ASXL3: variants seen among roughly 807,000 people sequenced by gnomAD.
ASXL3 encodes the protein ASXL transcriptional regulator 3, also known as putative Polycomb group protein ASXL3.
Under a neutral mutation model 170.6 loss-of-function variants are expected in ASXL3, and 34 were observed. The observed-to-expected ratio is 0.20, with a 90% CI of 0.15 to 0.27. ASXL3 has a LOEUF of 0.27. ASXL3 is among the 10% of genes least tolerant of loss of function. The probability of loss-of-function intolerance (pLI) is 1.00; values close to 1 mark genes in which losing one functional copy is unlikely to be tolerated. For synonymous variants in ASXL3, 1,002 were observed against 989.1 expected, an observed-to-expected ratio of 1.01 and a Z score of -0.24; for missense variants, 2,592 against 2,695.3, an observed-to-expected ratio of 0.96 and a Z score of 0.85.
intron 8 of ASXL3, among the ~76,000 whole-genome samples, chr18:33,710,881 T>C (rs879887885): frequency 6.6e-6 from 1 of 152,132 alleles, no homozygotes; most frequent in East Asian, 1.9e-4. Context: ...TGGGTTTTTG[T>C]TTGGGGGGGA....
Position 33,745,902 on chromosome 18 carries a change from GCCGCCA to G in ASXL3, c.6060_6065del (p.Pro2027_Pro2028del), listed in dbSNP as rs759642304. ...CAAACAAAGCACTAGTACATCCGCC[GCCGCCA>G]CCGCCTCCCCCTCCCCCTCCACCCT... On this transcript the variant is annotated inframe_deletion, in exon 12 of 12. Transcript: ENST00000269197. 9.3e-6 allele frequency: 15 copies of G among 1,608,162 alleles called. No individual in the cohort carries two copies. Among genetic ancestry groups the G allele is most frequent in the South Asian group, 1.1e-5 (1 of 90,596 alleles).
At chr18:33,629,285 T>C (rs928284007) in intron 2 of ASXL3, among the ~76,000 whole-genome samples, 1 of 152,132 alleles carries the variant, frequency 6.6e-6, no homozygotes, top group Non-Finnish European at 1.5e-5. Context: ...CAGAAACTAT[T>C]TCCTGAAAGC....
chr18:33,694,294 G>A (rs547674172), intron 8 of ASXL3, among the ~76,000 whole-genome samples: 25 of 152,168 alleles, frequency 1.6e-4, no homozygotes, highest in African/African-American at 4.8e-4. Context: ...TATACATAGC[G>A]GATCTCTCCT....
chr18:33,580,772 C>T (rs902321322), intron 1 of ASXL3, among the ~76,000 whole-genome samples: 4 of 152,106 alleles, frequency 2.6e-5, no homozygotes, highest in Non-Finnish European at 4.4e-5. Context: ...CACAAAAGAA[C>T]GATAGACCAG....
At chr18:33,652,589 A>T (rs2066017112) in intron 4 of ASXL3, among the ~76,000 whole-genome samples, 1 of 89,892 alleles carries the variant, frequency 1.1e-5, no homozygotes, top group African/African-American at 4.5e-5. Context: ...GTATTTTAAA[A>T]GTTTCTGTTG....
At chr18:33,717,322 C>G (rs2067180636) in intron 8 of ASXL3, among the ~76,000 whole-genome samples, 1 of 152,000 alleles carries the variant, frequency 6.6e-6, no homozygotes, top group Non-Finnish European at 1.5e-5. Flanking sequence ...TATCTGTGTT[C>G]CATTTTAAGG....
In ASXL3 at chr18:33,598,074, G is replaced by C. The variant is rs118090288; in HGVS notation, c.55-9520G>C. Among the ~76,000 whole-genome samples, 1,014 of 152,178 alleles carry C rather than the reference G, an allele frequency of 6.7e-3. 6 individuals carry two copies. The highest frequency in any genetic ancestry group is 0.01 in the Non-Finnish European group (712 of 67,986). On this transcript the variant is annotated intron_variant, in intron 1 of 11. Transcript: ENST00000269197. Reference sequence around the variant, plus strand: ...CTGTTGTCTGTTTCCATAAGGACAGGTGTTTAGTATTCATATGTAGGCAAA... The same window carrying C: ...CTGTTGTCTGTTTCCATAAGGACAGCTGTTTAGTATTCATATGTAGGCAAA...
chr18:33,709,301 C>CA (rs71159840), intron 8 of ASXL3, among the ~76,000 whole-genome samples: 12,204 of 120,052 alleles, frequency 0.1, 509 homozygotes, highest in South Asian at 0.14. Context: ...ATATGTTTAC[C>CA]AAAAAAAAAA....
In ASXL3 at chr18:33,745,602, C is replaced by G. The variant is rs760694252; in HGVS notation, c.5754C>G (p.Gly1918=). 1 of 1,613,994 alleles carries G rather than the reference C, an allele frequency of 6.2e-7. No homozygotes were observed. The highest frequency in any genetic ancestry group is 1.7e-5 in the Admixed American group (1 of 60,018). ...QNLFHVDKNG[G]FHTDAGTSHR... is the part of the protein sequence containing the mutation. ...TATTTCATGTTGACAAGAATGGCGGCTTCCACACTGACGCTGGTACCTCAC... is the reference window on the plus strand; with the variant it reads ...TATTTCATGTTGACAAGAATGGCGGGTTCCACACTGACGCTGGTACCTCAC... The change falls in exon 12 of 12, where the codon GGC becomes GGG. Residue 1918 remains glycine (G), a synonymous_variant. Coordinates refer to ENST00000269197, the MANE Select transcript of ASXL3 (RefSeq NM_030632.3).
At chr18:33,594,856 T>C (rs2065111250) in intron 1 of ASXL3, among the ~76,000 whole-genome samples, 1 of 152,168 alleles carries the variant, frequency 6.6e-6, no homozygotes. Flanking sequence ...ATTACAGGCA[T>C]GAACCACCAT....
Position 33,743,351 on chromosome 18 carries a change from C to G in ASXL3, c.3503C>G (p.Pro1168Arg). Residue 1168 changes from proline to arginine, a missense_variant, in exon 12 of 12, where the codon CCT becomes CGT. Physicochemically the swap from Pro to Arg is moderately radical, Grantham distance 103. Coordinates refer to ENST00000269197, the MANE Select transcript of ASXL3 (RefSeq NM_030632.3). ...ATTGTCAATCCAAACTGTAGATCTC[C>G]TAGCAACAAGTCTGCCCACCTCCGG... ...VIIVNPNCRS[P>R]SNKSAHLRET... 2 of 1,613,616 alleles carry G rather than the reference C, an allele frequency of 1.2e-6. No individual in the cohort carries two copies. The highest frequency in any genetic ancestry group is 8.5e-7 in the Non-Finnish European group (1 of 1,179,838).
intron 2 of ASXL3, among the ~76,000 whole-genome samples, chr18:33,612,991 TGCACAGTCA>T (rs2065361714): frequency 6.6e-6 from 1 of 152,122 alleles, no homozygotes; most frequent in African/African-American, 2.4e-5. Flanking sequence ...GTAAATGGTG[TGCACAGTCA>T]GCTACTTAGA....
intron 8 of ASXL3, among the ~76,000 whole-genome samples, chr18:33,710,069 A>G (rs2067029829): frequency 6.6e-6 from 1 of 152,142 alleles, no homozygotes; most frequent in South Asian, 2.1e-4. Flanking sequence ...CAGCCTGACC[A>G]ACGTGGAGAA....
At chr18:33,732,396 C>T (rs905823480) in intron 9 of ASXL3, among the ~76,000 whole-genome samples, 6 of 152,154 alleles carry the variant, frequency 3.9e-5, no homozygotes, top group Non-Finnish European at 7.3e-5. Flanking sequence ...CTTCTTTTAA[C>T]GCTCTCTTCC....
At chr18:33,698,455 GA>G (rs564528285) in intron 8 of ASXL3, among the ~76,000 whole-genome samples, 135 of 152,262 alleles carry the variant, frequency 8.9e-4, no homozygotes, top group Admixed American at 4.2e-3. Context: ...GTGCATTTGA[GA>G]AATCTGTGTG....
At chr18:33,713,291 G>A (rs1475572288) in intron 8 of ASXL3, among the ~76,000 whole-genome samples, 1 of 90,506 alleles carries the variant, frequency 1.1e-5, no homozygotes, top group South Asian at 4.2e-4. Context: ...GGGTCTTACC[G>A]TCACCCAGGC....
At chr18:33,667,291 C>A (rs927772576) in intron 5 of ASXL3, among the ~76,000 whole-genome samples, 1 of 152,014 alleles carries the variant, frequency 6.6e-6, no homozygotes, top group Non-Finnish European at 1.5e-5. Context: ...AAAGAGGAAA[C>A]AAAGGAATAA....
At chr18:33,688,733 C>T (rs1249845871) in intron 8 of ASXL3, among the ~76,000 whole-genome samples, 1 of 152,210 alleles carries the variant, frequency 6.6e-6, no homozygotes, top group Non-Finnish European at 1.5e-5. Context: ...TAGGAAGTCA[C>T]TGGAGACTAA....
At chr18:33,686,991 G>A (rs2066607346) in intron 8 of ASXL3, among the ~76,000 whole-genome samples, 1 of 152,082 alleles carries the variant, frequency 6.6e-6, no homozygotes, top group South Asian at 2.1e-4. Flanking sequence ...TGAGATAAAT[G>A]TTTGACCTTG....
Sources: allele counts gnomAD v4.1 joint callset (sites outside exome capture counted in the v4.1 genomes callset), GRCh38; gene constraint gnomAD v4.1.1; transcripts MANE v1.5; gene names NCBI Gene and HGNC (gene_info 2026-07-23, HGNC 2026-07-21).